The following CENPE variants were observed in gnomAD, a reference collection of about 807,000 sequenced individuals.
The protein encoded by CENPE is centromere-associated protein E.
Under a neutral mutation model 336.1 loss-of-function variants are expected in CENPE, and 145 were observed. That is an observed-to-expected ratio of 0.43 (90% confidence interval 0.38 to 0.50). CENPE has a LOEUF of 0.50. CENPE is among the 20% of genes least tolerant of loss of function. The pLI is 0.00. For synonymous variants in CENPE, 1,013 were observed against 984.8 expected, an observed-to-expected ratio of 1.03 and a Z score of -0.54; for missense variants, 2,719 against 3,023.3, an observed-to-expected ratio of 0.90 and a Z score of 2.36.
intron 8 of CENPE, among the ~76,000 whole-genome samples, chr4:103,188,116 C>G (rs541775895): frequency 1.3e-5 from 2 of 152,110 alleles, no homozygotes; most frequent in East Asian, 3.9e-4. Context: ...ATATATGCAC[C>G]CAATACAGGA....
At chr4:103,125,237 T>A (rs188476326) in intron 42 of CENPE, among the ~76,000 whole-genome samples, 1 of 152,290 alleles carries the variant, frequency 6.6e-6, no homozygotes, top group African/African-American at 2.4e-5. Flanking sequence ...AAAAGAACTA[T>A]CCAAACATAT....
At chr4:103,194,190 G>A (rs1164283073) in intron 8 of CENPE, 39 bp downstream of exon 8, 1 of 1,502,372 alleles carries the variant, frequency 6.7e-7, no homozygotes, top group Non-Finnish European at 9.2e-7. Flanking sequence ...ATTTTGTTTT[G>A]GCCCATACAG....
intron 29 of CENPE, among the ~76,000 whole-genome samples, chr4:103,147,066 T>C (rs543447985): frequency 2.6e-5 from 4 of 152,270 alleles, no homozygotes; most frequent in South Asian, 4.1e-4. Flanking sequence ...AATAAAACAA[T>C]CTCATATTTG....
chr4:103,182,671 TA>T (rs1359784995), intron 11 of CENPE, 90 bp downstream of exon 11: 26 of 1,097,248 alleles, frequency 2.4e-5, no homozygotes, highest in African/African-American at 9.5e-5. Context: ...GCGAGTTAAT[TA>T]AAAAAAACTA....
chr4:103,167,343 C>T (rs1755008763), intron 16 of CENPE, among the ~76,000 whole-genome samples: 1 of 152,050 alleles, frequency 6.6e-6, no homozygotes, highest in Admixed American at 6.6e-5. Context: ...GGTAGATACA[C>T]CAACCCTTCC....
chr4:103,181,257 G>A (rs1756304606), intron 12 of CENPE, 80 bp downstream of exon 12: 2 of 970,370 alleles, frequency 2.1e-6, no homozygotes, highest in African/African-American at 3.4e-5. Context: ...ATTCAGGAAT[G>A]AAGAGTCTCT....
At chr4:103,167,488 G>T (rs1755020833) in intron 16 of CENPE, among the ~76,000 whole-genome samples, 1 of 151,974 alleles carries the variant, frequency 6.6e-6, no homozygotes, top group Non-Finnish European at 1.5e-5. Context: ...AAAATGGTTA[G>T]ATCTTCAACA....
intron 24 of CENPE, among the ~76,000 whole-genome samples, chr4:103,155,741 A>AG (rs397881356): frequency 2.0e-5 from 3 of 152,186 alleles, no homozygotes; most frequent in Non-Finnish European, 2.9e-5. Context: ...ATAAAAAAAA[A>AG]GTTCCATTTT....
intron 8 of CENPE, among the ~76,000 whole-genome samples, chr4:103,191,676 A>G (rs989335786): frequency 6.6e-6 from 1 of 151,990 alleles, no homozygotes; most frequent in African/African-American, 2.4e-5. Flanking sequence ...GGATAGCATT[A>G]GGAGATATAC....
At chr4:103,137,652 A>T (rs979324507) in intron 39 of CENPE, among the ~76,000 whole-genome samples, 4 of 152,162 alleles carry the variant, frequency 2.6e-5, no homozygotes, top group African/African-American at 9.7e-5. Context: ...TTGCATTCCA[A>T]CAGGTGTGAC....
intron 42 of CENPE, among the ~76,000 whole-genome samples, chr4:103,123,817 C>T (rs1750857315): frequency 6.6e-6 from 1 of 152,082 alleles, no homozygotes; most frequent in Non-Finnish European, 1.5e-5. Context: ...GACACCAAGC[C>T]CTTTACTGCA....
At position 103,115,245 on chromosome 4, in the gene CENPE, T is replaced by C. The variant is rs1037416010; in HGVS notation, c.7443-693A>G. On this transcript the variant is annotated intron_variant, in intron 45 of 48. Transcript: ENST00000265148. ...GCCTCCTGAGCTCAAGCGATTCTCCTGCCTCAGCCTCCTGAGTAGCTGGGA... is the reference window on the plus strand; with the variant it reads ...GCCTCCTGAGCTCAAGCGATTCTCCCGCCTCAGCCTCCTGAGTAGCTGGGA... Among the ~76,000 whole-genome samples the C allele has an allele frequency of 2.4e-4, 37 of 152,210 alleles. No individual in the cohort carries two copies. The Middle Eastern group carries it at 0.014, about 56-fold the overall frequency.
rs138898567 is a variant in CENPE at position 103,139,777 on chromosome 4, C to T, written c.6204+12G>A. Reference sequence around the variant, plus strand: ...TTAATAGTTACTACACAAAGGAAGACTCTGAACTCACTCTAGCTATCATTT... The same window carrying T: ...TTAATAGTTACTACACAAAGGAAGATTCTGAACTCACTCTAGCTATCATTT... On this transcript the variant is annotated intron_variant, in intron 38 of 48. Coordinates refer to ENST00000265148, the MANE Select transcript of CENPE (RefSeq NM_001813.3). 261 of 1,588,410 alleles carry T rather than the reference C, an allele frequency of 1.6e-4. 5 individuals are homozygous for T. In the East Asian group the frequency reaches 5.8e-3, roughly 35 times the overall value.
rs540915709 is a variant in CENPE, at chr4:103,189,442, C to T, written c.694-3581G>A. Among the ~76,000 whole-genome samples, 3 of 152,252 alleles carry T rather than the reference C, an allele frequency of 2.0e-5. No individual in the cohort carries two copies. The East Asian group carries it at 5.8e-4, about 29-fold the overall frequency. ...GCAGCACATCAAAAAGCTTATCCAC[C>T]ATGATCAAGTGGGCTTCATCTCTGG... On this transcript the variant is annotated intron_variant, in intron 8 of 48. Coordinates refer to ENST00000265148, the MANE Select transcript of CENPE (RefSeq NM_001813.3).
chr4:103,127,615 G>A (rs527843946), intron 42 of CENPE, among the ~76,000 whole-genome samples: 12 of 152,214 alleles, frequency 7.9e-5, no homozygotes, highest in Non-Finnish European at 8.8e-5. Flanking sequence ...AATGAATAAC[G>A]GCAATGATAC....
intron 28 of CENPE, among the ~76,000 whole-genome samples, chr4:103,148,638 G>A (rs1753266530): frequency 6.6e-6 from 1 of 152,128 alleles, no homozygotes; most frequent in African/African-American, 2.4e-5. Context: ...CACTACAAAT[G>A]GATCAGAGGG....
At position 103,158,637 on chromosome 4, in the gene CENPE, C is replaced by T. The variant is rs752352433; in HGVS notation, c.2851G>A (p.Asp951Asn). 16 of 1,604,182 alleles carry T rather than the reference C, an allele frequency of 1.0e-5. No individual in the cohort carries two copies. The highest frequency in any genetic ancestry group is 1.4e-5 in the Non-Finnish European group (16 of 1,177,274). Residue 951 changes from aspartate (D) to asparagine (N), a missense_variant, in exon 23 of 49, where the codon GAT becomes AAT. By Grantham distance (23) the Asp-to-Asn change is conservative. This residue lies in a region of CENPE where 2,437 missense variants were observed against 2,513.3 expected (regional missense o/e 0.97). Transcript: ENST00000265148. The part of the protein sequence containing the change: ...LQIERDQLKS[D>N]IHDTVNMNID... ...ACCATGTTAACAGTATCGTGAATAT[C>T]ACTTTTGAGTTGGTCCCTCTCAATT...
chr4:103,178,747 A>G (rs1489196399), intron 13 of CENPE, among the ~76,000 whole-genome samples: 2 of 152,122 alleles, frequency 1.3e-5, no homozygotes, highest in East Asian at 3.9e-4. Context: ...CTCTCCCCTT[A>G]GCTACCATAT....
At chr4:103,136,715 T>C (rs1031142715) in intron 39 of CENPE, among the ~76,000 whole-genome samples, 1 of 152,234 alleles carries the variant, frequency 6.6e-6, no homozygotes, top group Non-Finnish European at 1.5e-5. Context: ...GTATGTATTG[T>C]AGTTCATGGT....
Sources: allele counts gnomAD v4.1 joint callset (sites outside exome capture counted in the v4.1 genomes callset), GRCh38; gene constraint gnomAD v4.1.1; regional missense constraint gnomAD v4.1.1; transcripts MANE v1.5; gene names NCBI Gene and HGNC (gene_info 2026-07-23, HGNC 2026-07-21).